Variants in OCRL observed in about 807,000 individuals in gnomAD.
OCRL encodes the protein OCRL inositol polyphosphate-5-phosphatase.
In OCRL, 8 loss-of-function variants were observed where a neutral mutation model predicts 78.9. The observed-to-expected ratio is 0.10, with a 90% CI of 0.06 to 0.18. OCRL has a LOEUF of 0.18. Among genes scored for constraint, OCRL ranks in the 10% least tolerant of loss-of-function variants. The pLI, the probability that OCRL is intolerant of heterozygous loss-of-function variation, is 1.00. For synonymous variants in OCRL, 240 were observed against 235.4 expected, an observed-to-expected ratio of 1.02 and a Z score of -0.18; for missense variants, 454 against 696.7, an observed-to-expected ratio of 0.65 and a Z score of 3.92.
chrX:129,560,574 G>A lies in OCRL; in HGVS notation c.747G>A (p.Val249=), dbSNP rs942721416. ...GATTTTTTGTTGGAACTTGGAATGT[G>A]AATGGCCAGTCTCCAGATAGCGGGT... ...TFRFFVGTWN[V]NGQSPDSGLE... is the part of the protein sequence containing the mutation. Residue 249 remains valine, a synonymous_variant, in exon 9 of 24, where the codon GTG becomes GTA. Transcript: ENST00000371113. The A allele has an allele frequency of 8.3e-7, 1 of 1,201,347 alleles. No individual in the cohort carries two copies. The highest frequency in any genetic ancestry group is 1.1e-6 in the Non-Finnish European group (1 of 886,340).
At chrX:129,556,415 A>G (rs920606071) in intron 4 of OCRL, among the ~76,000 whole-genome samples, 27 of 111,653 alleles carry the variant, frequency 2.4e-4, no homozygotes, top group African/African-American at 8.8e-4. Context: ...GACTCCTGAA[A>G]GTGCTGGGTT....
At chrX:129,573,626 C>T (rs1309454164) in intron 15 of OCRL, among the ~76,000 whole-genome samples, 3 of 111,756 alleles carry the variant, frequency 2.7e-5, no homozygotes, top group African/African-American at 9.8e-5. Flanking sequence ...GCAATCTTGG[C>T]TCACTTCAAC....
chrX:129,556,048 A>G (rs1936043509), intron 4 of OCRL, among the ~76,000 whole-genome samples: 1 of 109,911 alleles, frequency 9.1e-6, no homozygotes, highest in African/African-American at 3.3e-5. Context: ...ATTTTTCTCC[A>G]TTTTTATCTA....
At chrX:129,553,146 A>C (rs1174698339) in intron 4 of OCRL, 6 of 112,499 alleles carry the variant, frequency 5.3e-5, no homozygotes, top group Non-Finnish European at 7.5e-5. Context: ...AAAATTAGTG[A>C]TGAGAGAGAA....
At position 129,552,515 on chromosome X, in the gene OCRL, C is replaced by T. The variant is rs191893900; in HGVS notation, c.238+3914C>T. Among the ~76,000 whole-genome samples the T allele has an allele frequency of 2.0e-3, 222 of 111,934 alleles. 3 individuals carry two copies. Among genetic ancestry groups the T allele is most frequent in the Admixed American group, 0.02 (210 of 10,646 alleles). On this transcript the variant is annotated intron_variant, in intron 4 of 23. Coordinates refer to ENST00000371113, the MANE Select transcript of OCRL (RefSeq NM_000276.4). ...TCTCAGCTCACTGCAACCTCTGCCT[C>T]CCGGGTTGAAGCTATTCCCCTGCCT... is the stretch of plus-strand genomic sequence containing the variant.
At chrX:129,564,939 T>C (rs1936197419) in intron 12 of OCRL, among the ~76,000 whole-genome samples, 1 of 111,691 alleles carries the variant, frequency 9.0e-6, no homozygotes, top group African/African-American at 3.3e-5. Flanking sequence ...AGTAGGGATA[T>C]TCAACTATTT....
At chrX:129,569,840 CTTTTTTTT>C (rs139960777) in intron 15 of OCRL, among the ~76,000 whole-genome samples, 3 of 83,831 alleles carry the variant, frequency 3.6e-5, no homozygotes, top group Non-Finnish European at 7.3e-5. Context: ...CTTATTTTTT[CTTTTTTTT>C]TTTTTTTTTT....
chrX:129,584,899 T>C (rs1170509414), intron 19 of OCRL, among the ~76,000 whole-genome samples: 1 of 112,094 alleles, frequency 8.9e-6, no homozygotes, highest in Non-Finnish European at 1.9e-5. Context: ...ATTTTCTCCA[T>C]TCTAATAGAT....
intron 15 of OCRL, among the ~76,000 whole-genome samples, chrX:129,570,875 G>A (rs1240497735): frequency 8.9e-6 from 1 of 112,457 alleles, no homozygotes. Context: ...TGAAACCCAC[G>A]TATAAGGAGG....
intron 14 of OCRL, among the ~76,000 whole-genome samples, chrX:129,567,945 C>T (rs1316216343): frequency 5.3e-5 from 5 of 93,694 alleles, no homozygotes; most frequent in Non-Finnish European, 6.2e-5. Context: ...CTCGCTCTGT[C>T]GCCCAGGCCG....
chrX:129,560,161 A>T (rs145667466), intron 8 of OCRL, among the ~76,000 whole-genome samples: 1 of 112,030 alleles, frequency 8.9e-6, no homozygotes, highest in Non-Finnish European at 1.9e-5. Context: ...CCTGGAGTCA[A>T]CTATAGCCCC....
chrX:129,577,765 G>C (rs1284548063), intron 18 of OCRL, among the ~76,000 whole-genome samples: 1 of 112,165 alleles, frequency 8.9e-6, no homozygotes, highest in Non-Finnish European at 1.9e-5. Flanking sequence ...ACCTCTGTTT[G>C]AGAGAGAACC....
chrX:129,545,640 G>A (rs770809722), intron 3 of OCRL, among the ~76,000 whole-genome samples: 68 of 112,227 alleles, frequency 6.1e-4, no homozygotes, highest in Admixed American at 2.8e-3. Context: ...GGAGGTTTGT[G>A]TAGGAGGTGT....
intron 13 of OCRL, among the ~76,000 whole-genome samples, chrX:129,566,499 G>C (rs1214981591): frequency 8.9e-6 from 1 of 112,737 alleles, no homozygotes; most frequent in East Asian, 2.8e-4. Context: ...ATTTGAAGCA[G>C]TAAATTTGCC....
intron 22 of OCRL, chrX:129,589,603 A>G (rs1455007844): frequency 1.2e-5 from 5 of 412,081 alleles, no homozygotes; most frequent in Non-Finnish European, 2.1e-5. Context: ...GTGCGTATGA[A>G]TGTGTGATGA....
intron 4 of OCRL, 60 bp from the exon 5 acceptor site, chrX:129,557,265 T>G: frequency 1.0e-6 from 1 of 975,173 alleles, no homozygotes; most frequent in Non-Finnish European, 1.5e-6. Context: ...GTTGAGAATA[T>G]GATCCCAGTA....
intron 5 of OCRL, 123 bp downstream of exon 5, chrX:129,557,558 T>A (rs1017336604): frequency 3.0e-6 from 2 of 662,067 alleles, no homozygotes; most frequent in Non-Finnish European, 4.8e-6. Flanking sequence ...ATAGCTGATT[T>A]TTTTTTCTTC....
intron 18 of OCRL, among the ~76,000 whole-genome samples, chrX:129,581,831 T>TCTCTC (rs1936444420): frequency 3.0e-5 from 2 of 65,616 alleles, no homozygotes; most frequent in African/African-American, 1.7e-4. Context: ...CCCTTTGTCT[T>TCTCTC]TCTCTCTCTC....
Position 129,558,617 on chromosome X carries a change from G to T in OCRL, c.440-16G>T, listed in dbSNP as rs775027214. 1.7e-6 allele frequency: 2 copies of T among 1,210,650 alleles called. No homozygotes were observed. The highest frequency in any genetic ancestry group is 3.5e-5 in the South Asian group (2 of 56,953). On this transcript the variant is annotated splice_polypyrimidine_tract_variant and intron_variant, in intron 6 of 23. Coordinates refer to ENST00000371113, the MANE Select transcript of OCRL (RefSeq NM_000276.4). The stretch of plus-strand genomic sequence containing the variant: ...AGATTTTTTCCCCGTTTGACTTTGG[G>T]GTCTGTGTCTTTCAGGGCTTCTTGG...
Sources: allele counts gnomAD v4.1 joint callset (sites outside exome capture counted in the v4.1 genomes callset), GRCh38; gene constraint gnomAD v4.1.1; transcripts MANE v1.5; gene names NCBI Gene and HGNC (gene_info 2026-07-23, HGNC 2026-07-21).